Variants in TNRC6A observed in about 807,000 individuals in gnomAD.
TNRC6A encodes trinucleotide repeat-containing gene 6A protein.
In TNRC6A, 44 loss-of-function variants were observed where a neutral mutation model predicts 221.2. The observed-to-expected ratio is 0.20, with a 90% confidence interval of 0.16 to 0.26. The LOEUF (loss-of-function observed/expected upper bound fraction) is 0.26, where lower values mean the gene tolerates loss of function less well. TNRC6A is among the 10% of genes least tolerant of loss of function. The pLI, the probability that TNRC6A is intolerant of heterozygous loss-of-function variation, is 1.00. For synonymous variants in TNRC6A, 847 were observed against 838.5 expected, an observed-to-expected ratio of 1.01 and a Z score of -0.18; for missense variants, 2,199 against 2,404.4, an observed-to-expected ratio of 0.91 and a Z score of 1.79.
intron 2 of TNRC6A, among the ~76,000 whole-genome samples, chr16:24,744,433 A>G (rs2056958172): frequency 6.6e-6 from 1 of 152,230 alleles, no homozygotes; most frequent in Non-Finnish European, 1.5e-5. Context: ...TTTTAAAGTC[A>G]ACCATTCTTC....
upstream of TNRC6A, among the ~76,000 whole-genome samples, chr16:24,728,678 A>G (rs2056535508): frequency 6.6e-6 from 1 of 152,196 alleles, no homozygotes; most frequent in African/African-American, 2.4e-5. Flanking sequence ...ATGTATGTGT[A>G]TTGTTGTATC....
intron 2 of TNRC6A, among the ~76,000 whole-genome samples, chr16:24,648,474 G>C (rs772327743): frequency 1.3e-5 from 2 of 151,804 alleles, no homozygotes; most frequent in African/African-American, 4.8e-5. Context: ...GTTTCACCGT[G>C]TTAGCCAGGA....
At chr16:24,817,562 C>G (rs183367166) in intron 20 of TNRC6A, among the ~76,000 whole-genome samples, 1 of 152,190 alleles carries the variant, frequency 6.6e-6, no homozygotes, top group Admixed American at 6.5e-5. Context: ...AAATAAAATC[C>G]GATTACCTGC....
At chr16:24,639,355 T>C (rs949911488) in intron 1 of TNRC6A, among the ~76,000 whole-genome samples, 2 of 151,946 alleles carry the variant, frequency 1.3e-5, no homozygotes, top group Non-Finnish European at 2.9e-5. Flanking sequence ...TAGCCAGGCA[T>C]AGTGGCACAC....
Position 24,696,577 on chromosome 16 carries a change from A to T in TNRC6A, n.403-54149A>T, listed in dbSNP as rs936322070. ...GAGACTCTGTGTCTACAAAAATTTT[A>T]AAAATTAGCCACGCGTGGTGGCTCG... On this transcript the variant is annotated intron_variant and non_coding_transcript_variant, in intron 2 of 2. Coordinates refer to the TNRC6A transcript ENST00000566108. 2.0e-5 allele frequency among the ~76,000 whole-genome samples: 3 copies of T among 151,246 alleles called. No homozygotes were observed. The East Asian group carries it at 5.8e-4, about 29-fold the overall frequency.
chr16:24,789,697 C>T lies in TNRC6A; in HGVS notation c.1055C>T (p.Ser352Leu), dbSNP rs760589826. Reference protein sequence around the residue: ...MNAWGTVSSSSNGGLNPSTLN... With the variant: ...MNAWGTVSSSLNGGLNPSTLN... ...GCTTGGGGCACTGTAAGTTCTTCAT[C>T]AAATGGAGGGTTAAATCCAAGCACT... Residue 352 changes from serine (S) to leucine (L), a missense_variant, in exon 6 of 25, where the codon TCA (serine) becomes TTA (leucine). By Grantham distance (145) the Ser-to-Leu change is moderately radical. Coordinates refer to ENST00000395799, the MANE Select transcript of TNRC6A (RefSeq NM_014494.4). 3.1e-6 allele frequency: 5 copies of T among 1,614,192 alleles called. No individual in the cohort carries two copies. The highest frequency in any genetic ancestry group is 3.4e-6 in the Non-Finnish European group (4 of 1,180,040).
intron 5 of TNRC6A, chr16:24,778,273 T>G (rs2057768408): frequency 1.0e-6 from 1 of 985,118 alleles, no homozygotes; most frequent in Non-Finnish European, 1.2e-6. Flanking sequence ...TTACTCACTT[T>G]CTATACCTGT....
intron 4 of TNRC6A, among the ~76,000 whole-genome samples, chr16:24,765,879 TA>T (rs1452435861): frequency 6.6e-6 from 1 of 152,232 alleles, no homozygotes; most frequent in Non-Finnish European, 1.5e-5. Flanking sequence ...TAGATTTATG[TA>T]CTCAGGGAGG....
chr16:24,611,298 A>T (rs1900045918), intron 1 of TNRC6A, among the ~76,000 whole-genome samples: 1 of 152,186 alleles, frequency 6.6e-6, no homozygotes, highest in African/African-American at 2.4e-5. Context: ...TCTAAAAAAA[A>T]TTCTTTTTTC....
At chr16:24,795,629 A>G in intron 8 of TNRC6A, 1 of 373,286 alleles carries the variant, frequency 2.7e-6, no homozygotes, top group Non-Finnish European at 4.8e-6. Flanking sequence ...AGGACCTGCC[A>G]TTTTCATTTT....
intron 1 of TNRC6A, among the ~76,000 whole-genome samples, chr16:24,631,658 G>C (rs541337023): frequency 1.3e-5 from 2 of 152,116 alleles, no homozygotes; most frequent in South Asian, 4.1e-4. Context: ...TGTAGTCCTA[G>C]CTGCTTGGGA....
chr16:24,710,054 C>T (rs926885792), intron 2 of TNRC6A, among the ~76,000 whole-genome samples: 3 of 150,892 alleles, frequency 2.0e-5, no homozygotes, highest in Non-Finnish European at 4.4e-5. Context: ...ATGGAAAAAC[C>T]GTCTCTACTC....
rs74016413 is a variant in TNRC6A at position 24,731,883 on chromosome 16, G to A, written c.53+1583G>A. On this transcript the variant is annotated intron_variant, in intron 2 of 24. Coordinates refer to ENST00000395799, the MANE Select transcript of TNRC6A (RefSeq NM_014494.4). ...AGCCTCTCTGTCCAATCTATAAAAC[G>A]AGCGGCGTGGGCCAGCCAGTTGCTG... Among the ~76,000 whole-genome samples, 1,033 of 152,318 alleles carry A rather than the reference G, an allele frequency of 6.8e-3. 9 individuals are homozygous for A. Among genetic ancestry groups the A allele is most frequent in the African/African-American group, 0.024 (986 of 41,576 alleles).
intron 3 of TNRC6A, among the ~76,000 whole-genome samples, chr16:24,753,487 A>G (rs1054127344): frequency 6.6e-6 from 1 of 152,216 alleles, no homozygotes; most frequent in African/African-American, 2.4e-5. Flanking sequence ...TCAAATAATC[A>G]GCTTACAACT....
chr16:24,738,751 C>G (rs920801951), intron 2 of TNRC6A, among the ~76,000 whole-genome samples: 6 of 152,168 alleles, frequency 3.9e-5, no homozygotes, highest in Admixed American at 3.3e-4. Flanking sequence ...TATGAACATT[C>G]ATGTACAAAT....
In TNRC6A at chr16:24,789,873, G is replaced by A; in HGVS notation, c.1231G>A (p.Val411Met). 2 of 1,614,142 alleles carry A rather than the reference G, an allele frequency of 1.2e-6. No individual in the cohort carries two copies. The highest frequency in any genetic ancestry group is 1.1e-5 in the South Asian group (1 of 91,080). Residue 411 changes from valine (V) to methionine (M), a missense_variant, in exon 6 of 25, where the codon GTG (valine) becomes ATG (methionine). Around this residue, in one of 8 missense-constraint regions of TNRC6A, gnomAD observed 1,405 missense variants for 1,400.2 expected, o/e 1.00. Transcript: ENST00000395799. ...TAACAATCAGAGTATTAACTCTAAA[G>A]TGAGTGGTGGTTCTACCCATGGTAC... ...MPNNQSINSK[V>M]SGGSTHGTWG...
chr16:24,823,046 G>A lies in TNRC6A; in HGVS notation c.5513+33G>A. On this transcript the variant is annotated intron_variant, in intron 24 of 24. Transcript: ENST00000395799. This position sits in a 1 kb window ranked among gnomAD's most constrained non-coding sequence, Gnocchi z 4.3. ...GGCTGTTGGGCTCCCAGTTGGAAGA[G>A]TCTAGGGGAAGGAGTGTGAGAGCAC... 1 of 1,613,948 alleles carries A rather than the reference G, an allele frequency of 6.2e-7. No individual in the cohort carries two copies. The highest frequency in any genetic ancestry group is 8.5e-7 in the Non-Finnish European group (1 of 1,179,880).
Position 24,764,014 on chromosome 16 carries a change from C to T in TNRC6A, c.163+5654C>T, listed in dbSNP as rs182112518. Among the ~76,000 whole-genome samples the T allele has an allele frequency of 1.8e-4, 28 of 152,274 alleles. No individual in the cohort carries two copies. The East Asian group carries it at 5.2e-3, about 28-fold the overall frequency. On this transcript the variant is annotated intron_variant, in intron 4 of 24. Transcript: ENST00000395799. Reference sequence around the variant, plus strand: ...CTAAAACCTACTCTCAGCGAATTTCCAGTATACAATACAATATTATTAACT... The same window carrying T: ...CTAAAACCTACTCTCAGCGAATTTCTAGTATACAATACAATATTATTAACT...
Position 24,789,598 on chromosome 16 carries a change from C to T in TNRC6A, c.956C>T (p.Ala319Val). The T allele has an allele frequency of 6.2e-7, 1 of 1,613,950 alleles. No homozygotes were observed. The highest frequency in any genetic ancestry group is 1.1e-5 in the South Asian group (1 of 91,066). ...STGPWGFSHG[A>V]IISTCQVSVD... is the part of the protein sequence containing the mutation. ...GGGCCATGGGGTTTTTCCCATGGAG[C>T]CATAATAAGCACATGTCAGGTCTCT... Residue 319 changes from alanine to valine, a missense_variant, in exon 6 of 25, where the codon GCC becomes GTC. Around this residue, in one of 8 missense-constraint regions of TNRC6A, gnomAD observed 1,405 missense variants for 1,400.2 expected, o/e 1.00. Transcript: ENST00000395799.
Sources: gnomAD v4.1 joint callset for allele counts (sites outside exome capture counted in the v4.1 genomes callset) on GRCh38, gnomAD v4.1.1 for gene constraint, gnomAD v4.1.1 regional missense constraint, Gnocchi (gnomAD v3.1) non-coding constraint, MANE v1.5 for transcripts, NCBI Gene and HGNC (gene_info 2026-07-23, HGNC 2026-07-21) for gene names.